The following GPBP1 variants were observed in gnomAD, a reference collection of about 807,000 sequenced individuals.
GPBP1 encodes the protein vasculin.
A neutral mutation model predicts 56.5 loss-of-function variants in GPBP1; 13 were observed. The observed-to-expected ratio is 0.23, with a 90% CI of 0.15 to 0.37. The LOEUF (loss-of-function observed/expected upper bound fraction) is 0.37. GPBP1 is among the 10% of genes least tolerant of loss of function. GPBP1 has a pLI of 1.00. For missense variants in GPBP1, 477 were observed against 572.3 expected (o/e 0.83, Z 1.70); for synonymous variants, 204 against 188.9 (o/e 1.08, Z -0.66).
chr5:57,192,911 G>A (rs1044172497), intron 2 of GPBP1, among the ~76,000 whole-genome samples: 4 of 152,092 alleles, frequency 2.6e-5, no homozygotes, highest in Non-Finnish European at 5.9e-5. Context: ...ATTTGACCTT[G>A]GGAACTTTAA....
At chr5:57,245,380 C>T (rs1741044354) in intron 6 of GPBP1, 1 of 152,108 alleles carries the variant, frequency 6.6e-6, no homozygotes, top group South Asian at 2.1e-4. Context: ...CCTAGGAGTC[C>T]ATATTTAGTT....
At position 57,231,218 on chromosome 5, in the gene GPBP1, A is replaced by G. The variant is rs761315879; in HGVS notation, c.308A>G (p.His103Arg). 4 of 1,613,960 alleles carry G rather than the reference A, an allele frequency of 2.5e-6. No homozygotes were observed. Among genetic ancestry groups the G allele is most frequent in the African/African-American group, 2.7e-5 (2 of 74,946 alleles). ...TCCCGTTCTCGTAGCAGTATTTTCC[A>G]TGCAGGAAAAAGCCAAGGACTACAT... ...GSSRSRSSIFHAGKSQGLHEN... is the reference protein window; with the variant it reads ...GSSRSRSSIFRAGKSQGLHEN... The change falls in exon 5 of 12, where the codon CAT (histidine) becomes CGT (arginine). Residue 103 changes from histidine (H) to arginine (R), a missense_variant. Coordinates refer to ENST00000506184, the MANE Select transcript of GPBP1 (RefSeq NM_022913.4).
At chr5:57,179,660 T>C (rs911499446) in intron 2 of GPBP1, among the ~76,000 whole-genome samples, 3 of 152,130 alleles carry the variant, frequency 2.0e-5, no homozygotes, top group African/African-American at 7.2e-5. Flanking sequence ...TGCAATGGCG[T>C]GATCTTGGCT....
intron 2 of GPBP1, 79 bp downstream of exon 2, chr5:57,176,479 C>T (rs702692): frequency 0.73 from 110,922 of 152,722 alleles, 40,889 homozygotes; most frequent in African/African-American, 0.78. Context: ...ATGTTATTCT[C>T]GGAAGCCTTT....
chr5:57,178,216 C>G (rs1006982761), intron 2 of GPBP1, among the ~76,000 whole-genome samples: 1 of 152,142 alleles, frequency 6.6e-6, no homozygotes, highest in African/African-American at 2.4e-5. Context: ...GATCATTCTT[C>G]TAGAAAACTA....
chr5:57,200,481 C>T (rs575431725), intron 2 of GPBP1, among the ~76,000 whole-genome samples: 54 of 150,312 alleles, frequency 3.6e-4, no homozygotes, highest in African/African-American at 1.3e-3. Flanking sequence ...GATTCTTCTG[C>T]CTCAGCCTCC....
At chr5:57,254,123 G>A (rs1361461491) in intron 10 of GPBP1, among the ~76,000 whole-genome samples, 2 of 151,586 alleles carry the variant, frequency 1.3e-5, no homozygotes, top group Middle Eastern at 3.2e-3. Context: ...ATGGGGTTTC[G>A]CCATGTTGCC....
At position 57,233,733 on chromosome 5, in the gene GPBP1, T is replaced by A. The variant is rs557429401; in HGVS notation, c.412-2233T>A. ...AAGAGAAGGGGTTGGTCTTGCTGTC[T>A]CAGGTGGCACAGATGGAAGAAAATC... On this transcript the variant is annotated intron_variant, in intron 5 of 11. Coordinates refer to ENST00000506184, the MANE Select transcript of GPBP1 (RefSeq NM_022913.4). 3.3e-3 allele frequency among the ~76,000 whole-genome samples: 502 copies of A among 152,308 alleles called. 1 individual carries two copies. The highest frequency in any genetic ancestry group is 5.4e-3 in the South Asian group (26 of 4,828).
At chr5:57,229,809 G>A (rs1756362941) in intron 3 of GPBP1, among the ~76,000 whole-genome samples, 1 of 152,058 alleles carries the variant, frequency 6.6e-6, no homozygotes, top group Non-Finnish European at 1.5e-5. Context: ...AAAGTGCTGG[G>A]ATTACAGGCG....
chr5:57,197,917 GTA>G (rs1754837657), intron 2 of GPBP1, among the ~76,000 whole-genome samples: 1 of 152,088 alleles, frequency 6.6e-6, no homozygotes, highest in African/African-American at 2.4e-5. Context: ...AGAGTTAGGT[GTA>G]TGTGAGCAGT....
chr5:57,234,194 T>C lies in GPBP1; in HGVS notation c.412-1772T>C, dbSNP rs140637096. ...GGTGATTAAAATGTTTATATTAAAA[T>C]TGATTTTATTTAATATATATTAAGT... On this transcript the variant is annotated intron_variant, in intron 5 of 11. Coordinates refer to ENST00000506184, the MANE Select transcript of GPBP1 (RefSeq NM_022913.4). Among the ~76,000 whole-genome samples, 92 of 152,306 alleles carry C rather than the reference T, an allele frequency of 6.0e-4. 1 individual carries two copies. In the East Asian group the frequency reaches 0.017, roughly 27 times the overall value.
chr5:57,197,408 G>T (rs1754814263), intron 2 of GPBP1, among the ~76,000 whole-genome samples: 1 of 144,146 alleles, frequency 6.9e-6, no homozygotes, highest in Non-Finnish European at 1.5e-5. Flanking sequence ...TCATGCTGGA[G>T]TGTGCATTGG....
intron 3 of GPBP1, among the ~76,000 whole-genome samples, chr5:57,224,094 A>G (rs979493822): frequency 6.6e-6 from 1 of 151,628 alleles, no homozygotes; most frequent in Non-Finnish European, 1.5e-5. Context: ...CGGCCTACCA[A>G]AGTGCTGGGA....
At chr5:57,221,119 A>T (rs1755940952) in intron 3 of GPBP1, among the ~76,000 whole-genome samples, 1 of 152,188 alleles carries the variant, frequency 6.6e-6, no homozygotes, top group South Asian at 2.1e-4. Flanking sequence ...AGATGTGTAG[A>T]ACTTTAGCCC....
chr5:57,184,293 G>C (rs151277660), intron 2 of GPBP1, among the ~76,000 whole-genome samples: 1 of 152,106 alleles, frequency 6.6e-6, no homozygotes, highest in Non-Finnish European at 1.5e-5. Flanking sequence ...GTCTGTTTTT[G>C]TGTTGCTTTG....
intron 3 of GPBP1, among the ~76,000 whole-genome samples, chr5:57,223,950 C>T (rs990712059): frequency 5.9e-5 from 9 of 151,860 alleles, no homozygotes; most frequent in African/African-American, 2.2e-4. Context: ...TCTCCTGCCT[C>T]AGCCTCCCGA....
intron 2 of GPBP1, among the ~76,000 whole-genome samples, chr5:57,201,384 A>C (rs1335641598): frequency 6.6e-6 from 1 of 151,968 alleles, no homozygotes; most frequent in African/African-American, 2.4e-5. Flanking sequence ...TGGTCTCCTA[A>C]TTTTTAAAAA....
chr5:57,179,712 C>T (rs1753957448), intron 2 of GPBP1, among the ~76,000 whole-genome samples: 1 of 151,880 alleles, frequency 6.6e-6, no homozygotes, highest in Non-Finnish European at 1.5e-5. Flanking sequence ...ATTCTCCTGC[C>T]CCTTCAGCCT....
intron 10 of GPBP1, among the ~76,000 whole-genome samples, chr5:57,253,763 C>T (rs569436633): frequency 8.6e-5 from 13 of 151,576 alleles, no homozygotes; most frequent in African/African-American, 3.2e-4. Flanking sequence ...AGGGTTATGG[C>T]TGCCCCCTTA....
Sources: gnomAD v4.1 joint callset for allele counts (sites outside exome capture counted in the v4.1 genomes callset) on GRCh38, gnomAD v4.1.1 for gene constraint, MANE v1.5 for transcripts, NCBI Gene and HGNC (gene_info 2026-07-23, HGNC 2026-07-21) for gene names.